Variants in TTC13 observed in about 807,000 individuals in gnomAD.
TTC13 encodes the protein tetratricopeptide repeat protein 13.
A neutral mutation model predicts 120.0 loss-of-function variants in TTC13; 62 were observed. That is an observed-to-expected ratio of 0.52 (90% confidence interval 0.42 to 0.64). TTC13 has a LOEUF of 0.64. TTC13 is among the 30% of genes least tolerant of loss of function. The probability of loss-of-function intolerance (pLI) is 0.00; values close to 1 mark genes in which losing one functional copy is unlikely to be tolerated. For missense variants in TTC13, 824 were observed against 1,050.2 expected (o/e 0.78, Z 2.98); for synonymous variants, 384 against 393.5 (o/e 0.98, Z 0.28).
chr1:230,912,734 C>T lies in TTC13; in HGVS notation c.2118G>A (p.Val706=), dbSNP rs141353553. 52 of 1,611,660 alleles carry T rather than the reference C, an allele frequency of 3.2e-5. No individual in the cohort carries two copies. The African/African-American group carries it at 5.2e-4, about 16-fold the overall frequency. ...GDKVGNILFS[V]ETQTTEERTQ... ...TCCTTTCTTCCGTGGTTTGAGTTTC[C>T]ACAGAAAATAATATATTGCCAACTC... The change falls in exon 19 of 23, where the codon GTG becomes GTA. Residue 706 remains valine, a synonymous_variant. Coordinates refer to ENST00000366661, the MANE Select transcript of TTC13 (RefSeq NM_024525.5).
In TTC13 at chr1:230,915,868, C is replaced by T. The variant is rs527629451; in HGVS notation, c.2093+325G>A. ...AATGGACTTCAATCCGCCAACTGCTCATCTTTTTTCATTTTATTAGTAAAA... is the reference window on the plus strand; with the variant it reads ...AATGGACTTCAATCCGCCAACTGCTTATCTTTTTTCATTTTATTAGTAAAA... On this transcript the variant is annotated intron_variant, in intron 18 of 22. Transcript: ENST00000366661. Among the ~76,000 whole-genome samples the T allele has an allele frequency of 4.8e-5, 7 of 146,682 alleles. No individual in the cohort carries two copies. The Admixed American group carries it at 4.9e-4, about 10-fold the overall frequency.
chr1:230,961,296 G>A lies in TTC13; in HGVS notation c.279C>T (p.Ser93=), dbSNP rs11122162. 0.027 allele frequency: 43,121 copies of A among 1,611,990 alleles called. 1,213 individuals are homozygous for A. Among genetic ancestry groups the A allele is most frequent in the African/African-American group, 0.14 (10,570 of 74,966 alleles). The change falls in exon 2 of 23, where the codon TCC becomes TCT. Residue 93 remains serine (S), a synonymous_variant. Transcript: ENST00000366661. ...DQYSAECGES[S]FLNFHDSDCE... ...AGTCTGAGTCATGGAAGTTCAAAAA[G>A]GATGACTCTGAAAGGCAAGCATTCT...
chr1:230,959,990 T>C (rs538110229), intron 2 of TTC13, among the ~76,000 whole-genome samples: 1 of 152,344 alleles, frequency 6.6e-6, no homozygotes, highest in African/African-American at 2.4e-5. Context: ...AGTATAAAAG[T>C]CATGGTGCAG....
chr1:230,977,830 A>G (rs372185303), intron 1 of TTC13, among the ~76,000 whole-genome samples: 10 of 152,212 alleles, frequency 6.6e-5, no homozygotes, highest in African/African-American at 2.4e-4. Context: ...ATCTGCTATG[A>G]TTTATTAAAC....
chr1:230,935,807 C>T (rs912755613), intron 8 of TTC13, among the ~76,000 whole-genome samples: 45 of 152,154 alleles, frequency 3.0e-4, no homozygotes, highest in Admixed American at 2.9e-3. Flanking sequence ...TAGGGAGTTG[C>T]TGCAGTAGTT....
At chr1:230,925,739 A>G in intron 12 of TTC13, 92 bp from the exon 13 acceptor site, 2 of 1,420,174 alleles carry the variant, frequency 1.4e-6, no homozygotes, top group South Asian at 2.4e-5. Flanking sequence ...CCTCCACGGG[A>G]AAACTAATGA....
intron 4 of TTC13, among the ~76,000 whole-genome samples, chr1:230,950,259 A>G (rs887390912): frequency 6.6e-6 from 1 of 151,934 alleles, no homozygotes. Context: ...TATACTTTAT[A>G]AAGTTTTCAG....
chr1:230,939,331 C>T, intron 8 of TTC13, 55 bp downstream of exon 8: 2 of 1,135,058 alleles, frequency 1.8e-6, no homozygotes, highest in East Asian at 4.9e-5. Flanking sequence ...ATTCCTCCCA[C>T]CCACAAAAGA....
chr1:230,957,137 C>G (rs553610307), intron 3 of TTC13, among the ~76,000 whole-genome samples: 13 of 152,300 alleles, frequency 8.5e-5, no homozygotes, highest in Admixed American at 5.9e-4. Flanking sequence ...GGGCAGTCCT[C>G]AAAGCCTCCT....
chr1:230,915,218 A>G (rs1453968546), intron 18 of TTC13, among the ~76,000 whole-genome samples: 2 of 152,168 alleles, frequency 1.3e-5, no homozygotes, highest in Admixed American at 6.5e-5. Context: ...TTAGAGGAAA[A>G]GTATGTGAGA....
chr1:230,951,539 T>C lies in TTC13; in HGVS notation c.513+2794A>G, dbSNP rs573650885. 5.9e-5 allele frequency among the ~76,000 whole-genome samples: 9 copies of C among 152,338 alleles called. No homozygotes were observed. The South Asian group carries it at 1.7e-3, about 28-fold the overall frequency. On this transcript the variant is annotated intron_variant, in intron 4 of 22. Coordinates refer to ENST00000366661, the MANE Select transcript of TTC13 (RefSeq NM_024525.5). ...CCTGCAAGGAACAGGTAAAAACTTA[T>C]TAGCATATACAGAGAAAAATGGTTC...
chr1:230,920,572 G>A lies in TTC13; in HGVS notation c.1921C>T (p.Leu641=). ...YHGANNPKGL[L]EVREALEKVH... is the part of the protein sequence containing the mutation. ...TTTTCCAGGGCTTCCCGAACTTCCA[G>A]CAATCCTTTAGGATTATTAGCTCTT... The change falls in exon 17 of 23, where the codon CTG becomes TTG. Residue 641 remains leucine, a synonymous_variant. Transcript: ENST00000366661. The A allele has an allele frequency of 1.3e-6, 2 of 1,594,346 alleles. No individual in the cohort carries two copies. Among genetic ancestry groups the A allele is most frequent in the Non-Finnish European group, 1.7e-6 (2 of 1,172,706 alleles).
chr1:230,923,822 A>T lies in TTC13; in HGVS notation c.1814+19T>A. On this transcript the variant is annotated intron_variant, in intron 15 of 22. Coordinates refer to ENST00000366661, the MANE Select transcript of TTC13 (RefSeq NM_024525.5). ...ATAAACTCCTAGGAAAAGAAGAAAG[A>T]TGCACAAAAGGTTCGTACCTGATTA... The T allele has an allele frequency of 6.3e-7, 1 of 1,596,328 alleles. No homozygotes were observed. Among genetic ancestry groups the T allele is most frequent in the Non-Finnish European group, 8.6e-7 (1 of 1,165,350 alleles).
chr1:230,941,937 A>G (rs1256000463), intron 6 of TTC13, among the ~76,000 whole-genome samples: 1 of 152,218 alleles, frequency 6.6e-6, no homozygotes, highest in Non-Finnish European at 1.5e-5. Context: ...TATTTCAGAA[A>G]GCATGAAAGT....
At position 230,908,950 on chromosome 1, in the gene TTC13, T is replaced by C; in HGVS notation, c.2380A>G (p.Lys794Glu). The change falls in exon 21 of 23, where the codon AAA becomes GAA. Residue 794 changes from lysine (K) to glutamate (E), a missense_variant. This residue lies in a region of TTC13 where 226 missense variants were observed against 259.1 expected (regional missense o/e 0.87). Transcript: ENST00000366661. ...TTCCCGCTCCAACATACCTTCCCTTTGGGAATTTTTCCTGCTACTTCTTTT... is the reference window on the plus strand; with the variant it reads ...TTCCCGCTCCAACATACCTTCCCTTCGGGAATTTTTCCTGCTACTTCTTTT... ...SGKEVAGKIP[K>E]GKLVDFEAMT... The C allele has an allele frequency of 6.2e-7, 1 of 1,614,172 alleles. No individual in the cohort carries two copies. Among genetic ancestry groups the C allele is most frequent in the Non-Finnish European group, 8.5e-7 (1 of 1,180,010 alleles).
intron 15 of TTC13, among the ~76,000 whole-genome samples, chr1:230,922,609 T>G (rs1222491413): frequency 6.6e-6 from 1 of 152,234 alleles, no homozygotes; most frequent in African/African-American, 2.4e-5. Flanking sequence ...CCAGGCGTAA[T>G]GAGTTAGTCA....
intron 1 of TTC13, among the ~76,000 whole-genome samples, chr1:230,964,535 C>T (rs58981549): frequency 3.9e-5 from 6 of 152,082 alleles, no homozygotes; most frequent in Non-Finnish European, 8.8e-5. Context: ...ATATCCTTTG[C>T]TCATTTTTAA....
intron 1 of TTC13, among the ~76,000 whole-genome samples, chr1:230,975,581 G>A (rs1678207401): frequency 6.6e-6 from 1 of 152,064 alleles, no homozygotes; most frequent in Admixed American, 6.6e-5. Flanking sequence ...ACAATACAGT[G>A]TTCATTTTTT....
chr1:230,909,141 A>G, intron 20 of TTC13, 121 bp from the exon 21 acceptor site: 1 of 770,118 alleles, frequency 1.3e-6, no homozygotes. Context: ...TTCAAATAAA[A>G]CACCGAATGT....
Sources: allele counts gnomAD v4.1 joint callset (sites outside exome capture counted in the v4.1 genomes callset), GRCh38; gene constraint gnomAD v4.1.1; regional missense constraint gnomAD v4.1.1; transcripts MANE v1.5; gene names NCBI Gene and HGNC (gene_info 2026-07-23, HGNC 2026-07-21).